The following ZNF503 variants were observed in gnomAD, a reference collection of about 807,000 sequenced individuals.
ZNF503 encodes the protein zinc finger protein 503, also known as NocA-like zinc finger 2.
Under a neutral mutation model 34.4 loss-of-function variants are expected in ZNF503, and 15 were observed. The ratio of observed to expected loss-of-function variants is 0.44; its 90% CI spans 0.29 to 0.67. ZNF503 has a LOEUF of 0.67. Among genes scored for constraint, ZNF503 ranks in the 30% least tolerant of loss-of-function variants. The pLI, the probability that ZNF503 is intolerant of heterozygous loss-of-function variation, is 0.13. For synonymous variants in ZNF503, 580 were observed against 456.8 expected, an observed-to-expected ratio of 1.27 and a Z score of -3.44; for missense variants, 1,007 against 926.8, an observed-to-expected ratio of 1.09 and a Z score of -1.12.
chr10:75,296,805 C>T, the ZNF503 span, among the ~76,000 whole-genome samples: 3 of 152,054 alleles, frequency 2.0e-5, no homozygotes, highest in Non-Finnish European at 4.4e-5. Context: ...AAGAGAGAGA[C>T]ATACAGGAGA....
At chr10:75,358,241 C>T in the ZNF503 span, 1 of 152,210 alleles carries the variant, frequency 6.6e-6, no homozygotes, top group African/African-American at 2.4e-5. Flanking sequence ...TGCAAATGTA[C>T]AAGGTAATTG....
chr10:75,292,237 T>C, the ZNF503 span, among the ~76,000 whole-genome samples: 1 of 152,348 alleles, frequency 6.6e-6, no homozygotes, highest in South Asian at 2.1e-4. Context: ...GGTAGAATCA[T>C]GTATTTATTT....
chr10:75,398,635 G>GCC lies in ZNF503; in HGVS notation c.*112_*113dup. On this transcript the variant is annotated 3_prime_UTR_variant, in exon 2 of 2. Transcript: ENST00000372524. ...CGGTATACATTTCTTTCCTTTCGTG[G>GCC]CCCGAGTCCTCCCCACGCGCGGGTG... The GCC allele has an allele frequency of 2.0e-6, 2 of 990,138 alleles. No homozygotes were observed. Among genetic ancestry groups the GCC allele is most frequent in the Non-Finnish European group, 1.3e-6 (1 of 757,314 alleles). 61.3% of individuals were successfully genotyped at this position (990,138 alleles called of 1,614,324 possible). A position where few individuals can be genotyped will look rare whatever the true frequency, so the allele number is the denominator to read the frequency against.
At chr10:75,307,440 G>A in the ZNF503 span, among the ~76,000 whole-genome samples, 16 of 152,230 alleles carry the variant, frequency 1.1e-4, no homozygotes, top group African/African-American at 3.9e-4. Context: ...GCCAGGAGAG[G>A]CTGGCTCATG....
the ZNF503 span, among the ~76,000 whole-genome samples, chr10:75,323,059 G>A: frequency 1.3e-5 from 2 of 152,108 alleles, no homozygotes; most frequent in East Asian, 1.9e-4. Context: ...CCCTTGTTCC[G>A]TGTTTTCCCC....
chr10:75,324,069 C>CAAGT, the ZNF503 span, among the ~76,000 whole-genome samples: 113,320 of 149,152 alleles, frequency 0.76, 43,650 homozygotes, highest in African/African-American at 0.87. Context: ...ATTTTATATG[C>CAAGT]GTTTGTCAGA....
At chr10:75,290,031 C>G in the ZNF503 span, among the ~76,000 whole-genome samples, 3 of 152,216 alleles carry the variant, frequency 2.0e-5, no homozygotes, top group African/African-American at 7.2e-5. Context: ...CTGACAACCA[C>G]CATTCTACTT....
chr10:75,336,338 A>G, the ZNF503 span, among the ~76,000 whole-genome samples: 1 of 151,646 alleles, frequency 6.6e-6, no homozygotes, highest in Non-Finnish European at 1.5e-5. Flanking sequence ...TTAGAAACTC[A>G]ATATTTAATA....
At chr10:75,295,643 G>A in the ZNF503 span, 1 of 152,176 alleles carries the variant, frequency 6.6e-6, no homozygotes, top group Non-Finnish European at 1.5e-5. The surrounding 1 kb of genome is among the most constrained non-coding windows in gnomAD (Gnocchi z 4.0). Flanking sequence ...TGTCGGCCCA[G>A]CCAGATGGTA....
the ZNF503 span, among the ~76,000 whole-genome samples, chr10:75,337,392 A>G: frequency 6.6e-6 from 1 of 151,828 alleles, no homozygotes; most frequent in Non-Finnish European, 1.5e-5. Flanking sequence ...TGGGAGGTCG[A>G]GGTGGGCGGA....
In ZNF503 at chr10:75,401,402, C is replaced by T; in HGVS notation, c.18G>A (p.Ser6=). Reference sequence around the variant, plus strand: ...GCTTACTGCTTCTTAGGGCAGAAAGCGAGGGCGCTGTGCTCATGACCCACC... The same window carrying T: ...GCTTACTGCTTCTTAGGGCAGAAAGTGAGGGCGCTGTGCTCATGACCCACC... MSTAP[S]LSALRSSKHS... The change falls in exon 1 of 2, where the codon TCG becomes TCA. Residue 6 remains serine, a synonymous_variant. Transcript: ENST00000372524. 1 of 1,538,726 alleles carries T rather than the reference C, an allele frequency of 6.5e-7. No individual in the cohort carries two copies. The highest frequency in any genetic ancestry group is 8.7e-7 in the Non-Finnish European group (1 of 1,146,418).
the ZNF503 span, among the ~76,000 whole-genome samples, chr10:75,335,214 A>ATG: frequency 6.6e-6 from 1 of 151,962 alleles, no homozygotes; most frequent in South Asian, 2.1e-4. Flanking sequence ...GTGTGTGTGT[A>ATG]TGTGTGTAAA....
downstream of ZNF503, among the ~76,000 whole-genome samples, chr10:75,393,858 C>CA (rs796124075): frequency 2.7e-4 from 40 of 146,512 alleles, no homozygotes; most frequent in East Asian, 2.4e-3. Context: ...GACTCTGTCT[C>CA]AAAAAAAATA....
At chr10:75,379,083 A>G in the ZNF503 span, among the ~76,000 whole-genome samples, 2 of 152,190 alleles carry the variant, frequency 1.3e-5, no homozygotes, top group Non-Finnish European at 2.9e-5. Flanking sequence ...GTTCCTATTA[A>G]TAAAGTCTGG....
At chr10:75,317,252 C>T in the ZNF503 span, among the ~76,000 whole-genome samples, 3 of 144,636 alleles carry the variant, frequency 2.1e-5, no homozygotes, top group East Asian at 7.0e-4. Context: ...CAACATCCCA[C>T]ACATCCCACG....
the ZNF503 span, among the ~76,000 whole-genome samples, chr10:75,332,516 C>T: frequency 2.4e-5 from 3 of 126,086 alleles, no homozygotes; most frequent in Admixed American, 1.6e-4. Context: ...TTGGGTGTTT[C>T]TCACAGAGGG....
chr10:75,385,759 T>C, the ZNF503 span, among the ~76,000 whole-genome samples: 1 of 152,202 alleles, frequency 6.6e-6, no homozygotes, highest in East Asian at 1.9e-4. Flanking sequence ...GGATGGGATA[T>C]ATTGGTGGCA....
chr10:75,384,713 T>G, the ZNF503 span, among the ~76,000 whole-genome samples: 1 of 152,250 alleles, frequency 6.6e-6, no homozygotes, highest in Admixed American at 6.5e-5. Context: ...CCCCACCTGG[T>G]TGGGGTCATG....
At chr10:75,347,674 A>G in the ZNF503 span, among the ~76,000 whole-genome samples, 1 of 152,228 alleles carries the variant, frequency 6.6e-6, no homozygotes, top group African/African-American at 2.4e-5. Context: ...AGACAATAGG[A>G]TATTGTGAAG....
Sources: allele counts gnomAD v4.1 joint callset (sites outside exome capture counted in the v4.1 genomes callset), GRCh38; gene constraint gnomAD v4.1.1; non-coding constraint Gnocchi (gnomAD v3.1); transcripts MANE v1.5; gene names NCBI Gene and HGNC (gene_info 2026-07-23, HGNC 2026-07-21).